The following NFIB variants were observed in gnomAD, a reference collection of about 807,000 sequenced individuals.
The protein encoded by NFIB is nuclear factor I B.
Under a neutral mutation model 61.5 loss-of-function variants are expected in NFIB, and 11 were observed. The observed-to-expected ratio is 0.18, with a 90% CI of 0.11 to 0.30. The LOEUF (loss-of-function observed/expected upper bound fraction) is 0.30. Among genes scored for constraint, NFIB ranks in the 10% least tolerant of loss-of-function variants. The pLI is 1.00. For missense variants in NFIB, 471 were observed against 608.9 expected (o/e 0.77, Z 2.38); for synonymous variants, 260 against 216.5 (o/e 1.20, Z -1.76).
chr9:14,455,566 T>C, the NFIB span, among the ~76,000 whole-genome samples: 1 of 152,218 alleles, frequency 6.6e-6, no homozygotes, highest in Non-Finnish European at 1.5e-5. Flanking sequence ...CTCAGGGATA[T>C]GATTTAATGA....
chr9:14,200,910 G>GTACA (rs1379317122), intron 2 of NFIB, among the ~76,000 whole-genome samples: 1 of 151,980 alleles, frequency 6.6e-6, no homozygotes, highest in African/African-American at 2.4e-5. Context: ...CACAACCTTT[G>GTACA]TACACTCTTG....
chr9:14,516,285 G>A, the NFIB span, among the ~76,000 whole-genome samples: 2 of 152,294 alleles, frequency 1.3e-5, no homozygotes, highest in Middle Eastern at 3.4e-3. Context: ...TACAACATTT[G>A]GGATCTATTA....
At chr9:14,450,891 C>A in the NFIB span, among the ~76,000 whole-genome samples, 1 of 152,226 alleles carries the variant, frequency 6.6e-6, no homozygotes, top group African/African-American at 2.4e-5. Context: ...ACACTTTACC[C>A]AGTGCCAGCC....
In NFIB at chr9:14,340,927, G is replaced by A. The variant is rs540620301; in HGVS notation, c.109-33407C>T. Among the ~76,000 whole-genome samples, 23 of 151,282 alleles carry A rather than the reference G, an allele frequency of 1.5e-4. 1 individual carries two copies. Among genetic ancestry groups the A allele is most frequent in the Admixed American group, 1.3e-3 (20 of 15,224 alleles). On this transcript the variant is annotated intron_variant, in intron 1 of 8. Transcript: ENST00000380934. ...ACTGACCAGTGTCGGGGTTGGGTGGGAGCGGGTGGGCGGTGGCGGTAGTGG... is the reference window on the plus strand; with the variant it reads ...ACTGACCAGTGTCGGGGTTGGGTGGAAGCGGGTGGGCGGTGGCGGTAGTGG...
At chr9:14,211,814 T>C (rs112383603) in intron 2 of NFIB, among the ~76,000 whole-genome samples, 3 of 152,350 alleles carry the variant, frequency 2.0e-5, no homozygotes, top group Admixed American at 6.5e-5. Flanking sequence ...TAAAAGTGAT[T>C]TGAGTTGTGA....
At chr9:14,220,052 G>A (rs1242147469) in intron 2 of NFIB, among the ~76,000 whole-genome samples, 2 of 151,814 alleles carry the variant, frequency 1.3e-5, no homozygotes, top group African/African-American at 2.4e-5. Flanking sequence ...TAATCTAGGC[G>A]TACTACACTT....
At chr9:14,512,499 A>G in the NFIB span, among the ~76,000 whole-genome samples, 14 of 152,288 alleles carry the variant, frequency 9.2e-5, no homozygotes, top group African/African-American at 4.8e-5. Flanking sequence ...GCATATAACT[A>G]GATGATTATA....
intron 1 of NFIB, among the ~76,000 whole-genome samples, chr9:14,337,468 G>T (rs115746127): frequency 8.1e-4 from 124 of 152,338 alleles, no homozygotes; most frequent in Middle Eastern, 3.4e-3. Context: ...GGAGAGGGAG[G>T]TGATGGGGTG....
chr9:14,244,215 T>C (rs2054644864), intron 2 of NFIB, among the ~76,000 whole-genome samples: 1 of 152,240 alleles, frequency 6.6e-6, no homozygotes, highest in South Asian at 2.1e-4. Context: ...CAGGATTCTC[T>C]TTCCTATTTA....
At chr9:14,204,475 G>T in intron 2 of NFIB, 2 of 1,033,372 alleles carry the variant, frequency 1.9e-6, no homozygotes, top group Non-Finnish European at 1.5e-6. Context: ...GACTGAAAAT[G>T]CCTCCTGCGA....
At chr9:14,125,797 C>A (rs1275528903) in intron 6 of NFIB, 31 bp from the exon 7 acceptor site, 2 of 1,609,880 alleles carry the variant, frequency 1.2e-6, no homozygotes, top group African/African-American at 1.3e-5. Context: ...CCCAAAGCTC[C>A]ATGACTTTCT....
At chr9:14,511,010 G>A in the NFIB span, among the ~76,000 whole-genome samples, 1 of 152,072 alleles carries the variant, frequency 6.6e-6, no homozygotes, top group Non-Finnish European at 1.5e-5. Context: ...CCCACATTAG[G>A]GATGATTTTG....
intron 1 of NFIB, among the ~76,000 whole-genome samples, chr9:14,356,927 C>G (rs1390920514): frequency 6.6e-6 from 1 of 152,168 alleles, no homozygotes; most frequent in African/African-American, 2.4e-5. Context: ...TAGAAGCTCA[C>G]TGAAAATATT....
intron 1 of NFIB, among the ~76,000 whole-genome samples, chr9:14,311,432 G>A (rs1277805465): frequency 6.6e-6 from 1 of 152,152 alleles, no homozygotes; most frequent in Non-Finnish European, 1.5e-5. Context: ...GTCACATGGA[G>A]CTTAGTGAAG....
At position 14,125,729 on chromosome 9, in the gene NFIB, C is replaced by T; in HGVS notation, c.963G>A (p.Lys321=). Residue 321 remains lysine, a synonymous_variant, in exon 7 of 11, where the codon AAG becomes AAA. Transcript: ENST00000380953. The part of the protein sequence containing the change: ...SSPTTMKKPE[K]PLFSSASPQD... ...GTGGAGATGCAGAGCTGAACAATGG[C>T]TTTTCAGGCTTCTTCATAGTAGTCG... 2 of 1,614,134 alleles carry T rather than the reference C, an allele frequency of 1.2e-6. No homozygotes were observed. The highest frequency in any genetic ancestry group is 1.7e-6 in the Non-Finnish European group (2 of 1,180,014).
chr9:14,205,282 G>GGAAAGGAA, intron 2 of NFIB, among the ~76,000 whole-genome samples: 2 of 132,466 alleles, frequency 1.5e-5, no homozygotes, highest in Admixed American at 7.6e-5. Flanking sequence ...GTGGGAGGGA[G>GGAAAGGAA]GGAAAGAAGA....
the NFIB span, among the ~76,000 whole-genome samples, chr9:14,412,273 G>A: frequency 6.6e-6 from 1 of 152,192 alleles, no homozygotes; most frequent in African/African-American, 2.4e-5. Context: ...ACTCATCCAT[G>A]TGTCTGACTC....
At chr9:14,420,825 C>G in the NFIB span, among the ~76,000 whole-genome samples, 1 of 152,150 alleles carries the variant, frequency 6.6e-6, no homozygotes, top group Non-Finnish European at 1.5e-5. Context: ...TTACTACTAT[C>G]TCGTCAATCA....
intron 1 of NFIB, among the ~76,000 whole-genome samples, chr9:14,373,985 C>T (rs1273449658): frequency 6.6e-6 from 1 of 152,186 alleles, no homozygotes; most frequent in African/African-American, 2.4e-5. Flanking sequence ...TGTGATGATT[C>T]CCACTGAGTA....
Sources: allele counts gnomAD v4.1 joint callset (sites outside exome capture counted in the v4.1 genomes callset), GRCh38; gene constraint gnomAD v4.1.1; transcripts MANE v1.5; gene names NCBI Gene and HGNC (gene_info 2026-07-23, HGNC 2026-07-21).